Variants in ZNF311 observed in about 807,000 individuals in gnomAD.
The protein encoded by ZNF311 is zinc finger protein zfp31.
ZNF311 carries 14 observed loss-of-function variants against 22.7 expected under a neutral mutation model. The observed-to-expected ratio is 0.62, with a 90% confidence interval of 0.41 to 0.96. The LOEUF (loss-of-function observed/expected upper bound fraction) is 0.96. ZNF311 is among the 40% of genes least tolerant of loss of function. The pLI is 0.00. For synonymous variants in ZNF311, 250 were observed against 275.3 expected (o/e 0.91, Z 0.91); for missense variants, 731 against 799.0 (o/e 0.91, Z 1.03).
intron 6 of ZNF311, among the ~76,000 whole-genome samples, chr6:28,997,132 C>T (rs540914476): frequency 6.7e-4 from 102 of 152,298 alleles, no homozygotes; most frequent in Non-Finnish European, 1.1e-3. Context: ...TGTGATCTGA[C>T]GGCAGGTAAG....
At position 28,996,302 on chromosome 6, in the gene ZNF311, G is replaced by A. The variant is rs962435173; in HGVS notation, c.700C>T (p.His234Tyr). 6.2e-6 allele frequency: 10 copies of A among 1,612,804 alleles called. No individual in the cohort carries two copies. The Admixed American group carries it at 1.2e-4, about 19-fold the overall frequency. Residue 234 changes from histidine to tyrosine, a missense_variant, in exon 7 of 7, where the codon CAT (histidine) becomes TAT (tyrosine). Transcript: ENST00000377179. ...ATAAGAACTTTATTACATTGACTAT[G>A]TTTTGAGTTTGGATTCAAGTTTTTA... The part of the protein sequence containing the change: ...LSKNLNPNSK[H>Y]SQCNKVLIAQ...
At position 29,004,203 on chromosome 6, in the gene ZNF311, C is replaced by T; in HGVS notation, c.-249G>A. 1 of 1,410,184 alleles carries T rather than the reference C, an allele frequency of 7.1e-7. No homozygotes were observed. Among genetic ancestry groups the T allele is most frequent in the South Asian group, 1.6e-5 (1 of 62,844 alleles). The allele number at this position is 1,410,184 out of a possible 1,614,324, so 87.4% of individuals were successfully genotyped here. A position where few individuals can be genotyped will look rare whatever the true frequency, so the allele number is the denominator to read the frequency against. On this transcript the variant is annotated 5_prime_UTR_variant, in exon 2 of 7. It adds an upstream start codon to the 5' untranslated region. Transcript: ENST00000377179. The stretch of plus-strand genomic sequence containing the variant: ...GCAACACTAAACCGCTGTGATCTCA[C>T]ATCTTGTTTCCCTGCATATTTGGTG...
chr6:29,003,533 G>A lies in ZNF311; in HGVS notation c.71C>T (p.Thr24Ile), dbSNP rs1312700797. ...CTCACCGCTTTCCTGAGGGAGCTGG[G>A]TATCCTGGCGGGTCCAAAGCAGCTG... ...PSQLLWTRQD[T>I]QLPQESALLP... Residue 24 changes from threonine (T) to isoleucine (I), a missense_variant, in exon 3 of 7, where the codon ACC becomes ATC. By Grantham distance (89) the Thr-to-Ile change is moderately conservative (BLOSUM62 -1). Transcript: ENST00000377179. 2 of 1,612,854 alleles carry A rather than the reference G, an allele frequency of 1.2e-6. No individual in the cohort carries two copies. The highest frequency in any genetic ancestry group is 1.7e-6 in the Non-Finnish European group (2 of 1,180,028).
rs1779366935 is a variant in ZNF311, at chr6:28,995,506, T to C, written c.1496A>G (p.Tyr499Cys). The change falls in exon 7 of 7, where the codon TAT becomes TGT. Residue 499 changes from tyrosine to cysteine, a missense_variant. Transcript: ENST00000377179. The surrounding 1 kb of genome is among the most constrained non-coding windows in gnomAD (Gnocchi z 4.7). ...HEREHTGEKP[Y>C]QCRDCGKTFQ... Reference sequence around the variant, plus strand: ...GGTTTTCCCACAATCCCTGCATTGATAGGGCTTCTCCCCTGTATGCTCTCG... The same window carrying C: ...GGTTTTCCCACAATCCCTGCATTGACAGGGCTTCTCCCCTGTATGCTCTCG... The C allele has an allele frequency of 1.2e-6, 2 of 1,613,194 alleles. No individual in the cohort carries two copies. The highest frequency in any genetic ancestry group is 1.3e-5 in the African/African-American group (1 of 74,966).
intron 1 of ZNF311, among the ~76,000 whole-genome samples, chr6:29,004,613 A>G (rs1780931656): frequency 2.0e-5 from 3 of 149,538 alleles, no homozygotes; most frequent in Non-Finnish European, 4.5e-5. Flanking sequence ...TCTGCTGAAA[A>G]CTCTCCAGTG....
rs1271047140 is a variant in ZNF311 at position 28,995,199 on chromosome 6, A to G, written c.1803T>C (p.His601=). 2 of 1,614,118 alleles carry G rather than the reference A, an allele frequency of 1.2e-6. No individual in the cohort carries two copies. The highest frequency in any genetic ancestry group is 1.7e-6 in the Non-Finnish European group (2 of 1,180,038). ...GTTTCTCCCCAGTATGAACTCGCTT[A>G]TGTCCAATCAGAGCTGAGCCCTGAC... The part of the protein sequence containing the change: ...SFRQGSALIG[H]KRVHTGEKPY... The change falls in exon 7 of 7, where the codon CAT becomes CAC. Residue 601 remains histidine (H), a synonymous_variant. Coordinates refer to ENST00000377179, the MANE Select transcript of ZNF311 (RefSeq NM_001382360.1). The surrounding 1 kb of genome is among the most constrained non-coding windows in gnomAD (Gnocchi z 4.7).
intron 6 of ZNF311, 82 bp downstream of exon 6, chr6:28,998,652 G>A: frequency 1.0e-6 from 1 of 964,588 alleles, no homozygotes; most frequent in Non-Finnish European, 1.5e-6. Context: ...CCTTCGACTG[G>A]ATGATCCACC....
At chr6:29,001,132 C>G (rs1308739684) in intron 3 of ZNF311, among the ~76,000 whole-genome samples, 3 of 152,162 alleles carry the variant, frequency 2.0e-5, no homozygotes, top group African/African-American at 7.2e-5. Flanking sequence ...TGCAGGCCAG[C>G]TCAATCTTTC....
At position 28,995,534 on chromosome 6, in the gene ZNF311, C is replaced by T. The variant is rs1278178848; in HGVS notation, c.1468G>A (p.Glu490Lys). 6.2e-7 allele frequency: 1 copy of T among 1,613,588 alleles called. No homozygotes were observed. Among genetic ancestry groups the T allele is most frequent in the African/African-American group, 1.3e-5 (1 of 74,836 alleles). Reference sequence around the variant, plus strand: ...GGCTTCTCCCCTGTATGCTCTCGTTCATGAGCCCTGCGCTTACAGTTATGA... The same window carrying T: ...GGCTTCTCCCCTGTATGCTCTCGTTTATGAGCCCTGCGCTTACAGTTATGA... The part of the protein sequence containing the change: ...FRHNCKRRAH[E>K]REHTGEKPYQ... The change falls in exon 7 of 7, where the codon GAA (glutamate) becomes AAA (lysine). Residue 490 changes from glutamate to lysine, a missense_variant. Physicochemically the swap from Glu to Lys is moderately conservative, Grantham distance 56 (BLOSUM62 1). Coordinates refer to ENST00000377179, the MANE Select transcript of ZNF311 (RefSeq NM_001382360.1). The surrounding 1 kb of genome is among the most constrained non-coding windows in gnomAD (Gnocchi z 4.7).
chr6:28,998,988 A>C (rs1780035175), intron 5 of ZNF311, 150 bp from the exon 6 acceptor site: 2 of 526,264 alleles, frequency 3.8e-6, no homozygotes, highest in Non-Finnish European at 6.5e-6. Flanking sequence ...GGGGTCTAGT[A>C]ACATGTAAAA....
Position 28,999,556 on chromosome 6 carries a change from G to A in ZNF311, c.241C>T (p.Leu81=), listed in dbSNP as rs1166878354. 1.2e-6 allele frequency: 2 copies of A among 1,613,566 alleles called. No individual in the cohort carries two copies. The highest frequency in any genetic ancestry group is 1.3e-5 in the African/African-American group (1 of 74,916). ...VNFTNREWQC[L]TYAQRHLYKD... ...TAGAGATGCCTTTGAGCGTAGGTCA[G>A]ACACTGCCACTCCCTGTTAGTGAAG... Residue 81 remains leucine (L), a synonymous_variant, in exon 5 of 7, where the codon CTG becomes TTG. Coordinates refer to ENST00000377179, the MANE Select transcript of ZNF311 (RefSeq NM_001382360.1).
At position 28,995,614 on chromosome 6, in the gene ZNF311, C is replaced by G. The variant is rs1554209162; in HGVS notation, c.1388G>C (p.Arg463Thr). The G allele has an allele frequency of 6.2e-7, 1 of 1,613,260 alleles. No homozygotes were observed. The highest frequency in any genetic ancestry group is 8.5e-7 in the Non-Finnish European group (1 of 1,179,936). ...SIKAELTKHR[R>T]IHTEEKRYRC... The stretch of plus-strand genomic sequence containing the variant: ...GTAACGTTTCTCTTCAGTGTGGATC[C>G]TTCTGTGTTTGGTGAGTTCTGCCTT... The change falls in exon 7 of 7, where the codon AGG becomes ACG. Residue 463 changes from arginine (R) to threonine (T), a missense_variant. Coordinates refer to ENST00000377179, the MANE Select transcript of ZNF311 (RefSeq NM_001382360.1). The surrounding 1 kb of genome is among the most constrained non-coding windows in gnomAD (Gnocchi z 4.7).
At chr6:28,998,950 T>C in intron 5 of ZNF311, 112 bp from the exon 6 acceptor site, 1 of 660,474 alleles carries the variant, frequency 1.5e-6, no homozygotes, top group African/African-American at 1.8e-5. Flanking sequence ...AAAGAAATGT[T>C]AATTTAGATA....
chr6:29,004,357 C>T (rs1780878199), intron 1 of ZNF311, 143 bp from the exon 2 acceptor site: 3 of 342,772 alleles, frequency 8.8e-6, no homozygotes, highest in African/African-American at 2.2e-5. Flanking sequence ...GTCTGAGCCA[C>T]CATCACCTGC....
intron 2 of ZNF311, 132 bp from the exon 3 acceptor site, chr6:29,003,726 T>A (rs1780774470): frequency 7.2e-7 from 1 of 1,394,224 alleles, no homozygotes; most frequent in Non-Finnish European, 1.0e-6. Flanking sequence ...GAGAAAATAA[T>A]GGACTCAGTT....
intron 3 of ZNF311, among the ~76,000 whole-genome samples, chr6:29,003,149 G>T (rs772933784): frequency 1.7e-4 from 26 of 152,080 alleles, no homozygotes; most frequent in Non-Finnish European, 2.8e-4. Flanking sequence ...GTTTGGGTAG[G>T]AATTACTGAA....
intron 6 of ZNF311, among the ~76,000 whole-genome samples, chr6:28,998,364 G>C (rs900241712): frequency 5.9e-5 from 9 of 151,824 alleles, no homozygotes; most frequent in Admixed American, 1.3e-4. Flanking sequence ...GCTAATTTTT[G>C]TATTTTTAGT....
intron 3 of ZNF311, among the ~76,000 whole-genome samples, chr6:29,001,149 T>G (rs1179137524): frequency 1.3e-5 from 2 of 152,204 alleles, no homozygotes; most frequent in Non-Finnish European, 2.9e-5. Context: ...TTTCTGTAGC[T>G]TCAATGTTTA....
In ZNF311 at chr6:28,995,683, T is replaced by C. The variant is rs1779415442; in HGVS notation, c.1319A>G (p.Glu440Gly). 6 of 1,613,654 alleles carry C rather than the reference T, an allele frequency of 3.7e-6. No individual in the cohort carries two copies. Among genetic ancestry groups the C allele is most frequent in the Admixed American group, 1.7e-5 (1 of 60,032 alleles). ...ACACTGGGGACACCCATAGTGTTTC[T>C]CCCGAGTATGGATTCGTTTGTGTTT... is the stretch of plus-strand genomic sequence containing the variant. Reference protein sequence around the residue: ...LSKHKRIHTREKHYGCPQCGK... With the variant: ...LSKHKRIHTRGKHYGCPQCGK... Residue 440 changes from glutamate (E) to glycine (G), a missense_variant, in exon 7 of 7, where the codon GAG (glutamate) becomes GGG (glycine). Transcript: ENST00000377179. This position sits in a 1 kb window ranked among gnomAD's most constrained non-coding sequence, Gnocchi z 4.7.
Sources: gnomAD v4.1 joint callset for allele counts (sites outside exome capture counted in the v4.1 genomes callset) on GRCh38, gnomAD v4.1.1 for gene constraint, Gnocchi (gnomAD v3.1) non-coding constraint, MANE v1.5 for transcripts, NCBI Gene and HGNC (gene_info 2026-07-23, HGNC 2026-07-21) for gene names.